The following WNT9A variants were observed in gnomAD, a reference collection of about 807,000 sequenced individuals.
WNT9A encodes Wnt family member 9A.
WNT9A carries 8 observed loss-of-function variants against 31.4 expected under a neutral mutation model. That is an observed-to-expected ratio of 0.26 (90% confidence interval 0.15 to 0.46). The LOEUF is 0.46. WNT9A is among the 20% of genes least tolerant of loss of function. The probability of loss-of-function intolerance (pLI) is 0.99; values close to 1 mark genes in which losing one functional copy is unlikely to be tolerated. For missense variants in WNT9A, 457 were observed against 522.9 expected (o/e 0.87, Z 1.23); for synonymous variants, 236 against 220.1 (o/e 1.07, Z -0.64).
chr1:227,940,724 C>T (rs1666688861), intron 1 of WNT9A, among the ~76,000 whole-genome samples: 2 of 152,236 alleles, frequency 1.3e-5, no homozygotes, highest in Non-Finnish European at 2.9e-5. Context: ...TGCGGCTTGC[C>T]TTTTTCCATC....
chr1:227,924,109 T>TC, intron 3 of WNT9A, 29 bp downstream of exon 3: 13 of 1,105,506 alleles, frequency 1.2e-5, no homozygotes, highest in Admixed American at 4.8e-5. Flanking sequence ...GACCCTCCCT[T>TC]CCCACCCCGC....
At chr1:227,947,148 C>T (rs997010754) in intron 1 of WNT9A, among the ~76,000 whole-genome samples, 1 of 152,172 alleles carries the variant, frequency 6.6e-6, no homozygotes, top group East Asian at 1.9e-4. Context: ...TGCAGAGACA[C>T]GTGAGCACGG....
Position 227,921,215 on chromosome 1 carries a change from A to T in WNT9A, c.*303T>A. 1 of 373,542 alleles carries T rather than the reference A, an allele frequency of 2.7e-6. No homozygotes were observed. Among genetic ancestry groups the T allele is most frequent in the South Asian group, 4.1e-5 (1 of 24,356 alleles). 23.1% of individuals were successfully genotyped at this position (373,542 alleles called of 1,614,324 possible). A position where few individuals can be genotyped will look rare whatever the true frequency, so the allele number is the denominator to read the frequency against. ...TCACACCGTGTGCAATGCCTGTGCCATGTGCAGCAGGGCTGACTGGGCCCA... is the reference window on the plus strand; with the variant it reads ...TCACACCGTGTGCAATGCCTGTGCCTTGTGCAGCAGGGCTGACTGGGCCCA... On this transcript the variant is annotated 3_prime_UTR_variant, in exon 4 of 4. Coordinates refer to ENST00000272164, the MANE Select transcript of WNT9A (RefSeq NM_003395.4).
At chr1:227,927,734 C>A (rs1666443040) in intron 1 of WNT9A, among the ~76,000 whole-genome samples, 1 of 152,114 alleles carries the variant, frequency 6.6e-6, no homozygotes, top group Non-Finnish European at 1.5e-5. Flanking sequence ...AGGAAGACGA[C>A]AGCCTCCCAC....
intron 1 of WNT9A, among the ~76,000 whole-genome samples, chr1:227,932,104 G>A (rs1331657054): frequency 6.6e-6 from 1 of 152,224 alleles, no homozygotes; most frequent in African/African-American, 2.4e-5. Flanking sequence ...TATAGCAGGT[G>A]ATGCTGCTTG....
intron 1 of WNT9A, among the ~76,000 whole-genome samples, chr1:227,940,963 G>A (rs540488186): frequency 1.9e-3 from 284 of 152,354 alleles, no homozygotes; most frequent in African/African-American, 6.7e-3. Flanking sequence ...CCTGGACCAC[G>A]GATGTGCTTG....
At chr1:227,929,522 T>C (rs1666473336) in intron 1 of WNT9A, among the ~76,000 whole-genome samples, 2 of 152,334 alleles carry the variant, frequency 1.3e-5, no homozygotes, top group South Asian at 4.1e-4. Context: ...GATTAGGCGA[T>C]GAACAGGATT....
intron 1 of WNT9A, among the ~76,000 whole-genome samples, chr1:227,947,559 C>T (rs1407747802): frequency 6.6e-6 from 1 of 151,044 alleles, no homozygotes; most frequent in Non-Finnish European, 1.5e-5. Context: ...GACGACTCTG[C>T]GGTCACGGAG....
intron 1 of WNT9A, among the ~76,000 whole-genome samples, chr1:227,929,286 C>T (rs1160374042): frequency 6.6e-6 from 1 of 152,176 alleles, no homozygotes; most frequent in African/African-American, 2.4e-5. Context: ...TATATTGATA[C>T]ATTATGCTTT....
At chr1:227,927,645 C>T (rs1465867460) in intron 1 of WNT9A, among the ~76,000 whole-genome samples, 1 of 152,122 alleles carries the variant, frequency 6.6e-6, no homozygotes, top group Admixed American at 6.5e-5. Flanking sequence ...GAGAGCCGCA[C>T]CTCACACACA....
At chr1:227,936,196 CT>C (rs749391618) in intron 1 of WNT9A, among the ~76,000 whole-genome samples, 4 of 145,910 alleles carry the variant, frequency 2.7e-5, no homozygotes, top group African/African-American at 5.1e-5. Flanking sequence ...TTTTCTTTTT[CT>C]TTTTTTTTTC....
chr1:227,924,062 T>TAC, intron 3 of WNT9A, 76 bp downstream of exon 3: 2 of 234,960 alleles, frequency 8.5e-6, no homozygotes, highest in Admixed American at 9.1e-5. Flanking sequence ...CCGCCCCCAG[T>TAC]CCCACGCCCC....
intron 3 of WNT9A, among the ~76,000 whole-genome samples, chr1:227,922,627 G>T (rs961117495): frequency 6.6e-6 from 1 of 152,142 alleles, no homozygotes; most frequent in Non-Finnish European, 1.5e-5. Flanking sequence ...TCCTTATACT[G>T]CAGGAGAGTG....
intron 1 of WNT9A, among the ~76,000 whole-genome samples, chr1:227,937,993 C>T (rs1666624336): frequency 6.6e-6 from 1 of 152,206 alleles, no homozygotes. Flanking sequence ...GGTGGCTGTG[C>T]CCTGCCCTGG....
rs1240145137 is a variant in WNT9A, at chr1:227,925,501, G to A, written c.114C>T (p.Pro38=). 6.4e-7 allele frequency: 1 copy of A among 1,556,480 alleles called. No homozygotes were observed. The highest frequency in any genetic ancestry group is 2.4e-5 in the East Asian group (1 of 42,184). ...CCAGGGTCAGCGGGAGGATGGTCAG[G>A]GGCTCGCTGCCCGTCAGCCTGGGCA... ...AAYFGLTGSE[P]LTILPLTLEP... The change falls in exon 2 of 4, where the codon CCC becomes CCT. Residue 38 remains proline (P), a synonymous_variant. Transcript: ENST00000272164. The surrounding 1 kb of genome is among the most constrained non-coding windows in gnomAD (Gnocchi z 6.0).
chr1:227,937,337 C>T (rs79395254), intron 1 of WNT9A, among the ~76,000 whole-genome samples: 7,989 of 152,032 alleles, frequency 0.053, 696 homozygotes, highest in African/African-American at 0.18. Flanking sequence ...GCTCTGACCC[C>T]GGGCTGCTCA....
chr1:227,937,434 C>A (rs955813068), intron 1 of WNT9A, among the ~76,000 whole-genome samples: 1 of 152,242 alleles, frequency 6.6e-6, no homozygotes, highest in Non-Finnish European at 1.5e-5. Flanking sequence ...CCACCAAATG[C>A]GTCTAACGCA....
In WNT9A at chr1:227,924,150, G is replaced by A. The variant is rs549750920; in HGVS notation, c.603C>T (p.Leu201=). The part of the protein sequence containing the change: ...LRARVDFHNN[L]VGVKVIKAGV... ...CCACCCCACTTGCCTTCACACCCAC[G>A]AGGTTGTTGTGGAAGTCCACACGGG... The change falls in exon 3 of 4, where the codon CTC becomes CTT. Residue 201 remains leucine, a synonymous_variant. Coordinates refer to ENST00000272164, the MANE Select transcript of WNT9A (RefSeq NM_003395.4). 17 of 1,194,210 alleles carry A rather than the reference G, an allele frequency of 1.4e-5. No homozygotes were observed. The highest frequency in any genetic ancestry group is 8.3e-5 in the Admixed American group (4 of 48,250). 74.0% of individuals were successfully genotyped at this position (1,194,210 alleles called of 1,614,324 possible).
rs566536790 is a variant in WNT9A, at chr1:227,928,547, T to C, written c.96-3028A>G. On this transcript the variant is annotated intron_variant, in intron 1 of 3. Transcript: ENST00000272164. The surrounding 1 kb of genome is among the most constrained non-coding windows in gnomAD (Gnocchi z 4.5). ...TAACCCCTGCCCCATGCCTCCTTCA[T>C]TGTCAGGGTGGGCTCCACATGCAGC... 5.9e-5 allele frequency among the ~76,000 whole-genome samples: 9 copies of C among 152,294 alleles called. No individual in the cohort carries two copies. Among genetic ancestry groups the C allele is most frequent in the South Asian group, 2.1e-4 (1 of 4,824 alleles).
Sources: allele counts gnomAD v4.1 joint callset (sites outside exome capture counted in the v4.1 genomes callset), GRCh38; gene constraint gnomAD v4.1.1; non-coding constraint Gnocchi (gnomAD v3.1); transcripts MANE v1.5; gene names NCBI Gene and HGNC (gene_info 2026-07-23, HGNC 2026-07-21).